ST6GAL2: variants seen among roughly 807,000 people sequenced by gnomAD.
ST6GAL2 encodes the protein ST6 beta-galactoside alpha-2,6-sialyltransferase 2, also known as beta-galactoside alpha-2,6-sialyltransferase 2.
A neutral mutation model predicts 37.5 loss-of-function variants in ST6GAL2; 24 were observed. The ratio of observed to expected loss-of-function variants is 0.64; its 90% CI spans 0.46 to 0.90. The LOEUF (loss-of-function observed/expected upper bound fraction) is 0.90, where lower values mean the gene tolerates loss of function less well. ST6GAL2 is among the 40% of genes least tolerant of loss of function. The probability of loss-of-function intolerance (pLI) is 0.00; values close to 1 mark genes in which losing one functional copy is unlikely to be tolerated. For synonymous variants in ST6GAL2, 306 were observed against 295.1 expected (o/e 1.04, Z -0.38); for missense variants, 715 against 712.7 (o/e 1.00, Z -0.04).
intron 5 of ST6GAL2, among the ~76,000 whole-genome samples, chr2:106,823,522 G>GAC (rs1266979922): frequency 6.6e-6 from 1 of 150,876 alleles, no homozygotes; most frequent in African/African-American, 2.4e-5. Context: ...GAGAGAGAGA[G>GAC]AGAAAGATTT....
chr2:106,805,243 A>C lies in ST6GAL2; in HGVS notation c.*1435T>G, dbSNP rs1345005303. 1 of 152,342 alleles carries C rather than the reference A, an allele frequency of 6.6e-6. No individual in the cohort carries two copies. The highest frequency in any genetic ancestry group is 1.5e-5 in the Non-Finnish European group (1 of 68,038). 9.4% of individuals were successfully genotyped at this position (152,342 alleles called of 1,614,324 possible). A position where few individuals can be genotyped will look rare whatever the true frequency, so the allele number is the denominator to read the frequency against. ...TTGCAAGGGAGAACGCATTTAATTAAGCTGCTATTGTCATTGCAACAAGTC... is the reference window on the plus strand; with the variant it reads ...TTGCAAGGGAGAACGCATTTAATTACGCTGCTATTGTCATTGCAACAAGTC... On this transcript the variant is annotated 3_prime_UTR_variant, in exon 6 of 6. Coordinates refer to ENST00000409382, the MANE Select transcript of ST6GAL2 (RefSeq NM_001142351.2).
intron 1 of ST6GAL2, among the ~76,000 whole-genome samples, chr2:106,854,787 T>C (rs920704775): frequency 2.0e-5 from 3 of 152,142 alleles, no homozygotes; most frequent in Non-Finnish European, 4.4e-5. Context: ...TGTTTTTACT[T>C]GCAAAAATGT....
intron 1 of ST6GAL2, among the ~76,000 whole-genome samples, chr2:106,845,475 G>A (rs1179693252): frequency 1.3e-5 from 2 of 152,214 alleles, no homozygotes; most frequent in East Asian, 3.9e-4. Flanking sequence ...GTGATTCTGA[G>A]GGGAGGGTCT....
At chr2:106,853,859 A>T (rs1677469811) in intron 1 of ST6GAL2, among the ~76,000 whole-genome samples, 1 of 152,228 alleles carries the variant, frequency 6.6e-6, no homozygotes, top group East Asian at 1.9e-4. Flanking sequence ...ACACAACACA[A>T]GCTGCCTACT....
At chr2:106,854,299 C>T (rs916588498) in intron 1 of ST6GAL2, among the ~76,000 whole-genome samples, 28 of 152,276 alleles carry the variant, frequency 1.8e-4, no homozygotes, top group African/African-American at 5.5e-4. Flanking sequence ...GCCTTAATTT[C>T]GGATAAGCCT....
chr2:106,847,619 A>C (rs1677194245), intron 1 of ST6GAL2, among the ~76,000 whole-genome samples: 1 of 152,166 alleles, frequency 6.6e-6, no homozygotes, highest in South Asian at 2.1e-4. Flanking sequence ...CAAGTTACTC[A>C]CAAGTTACTC....
At chr2:106,862,178 C>T (rs939902932) in intron 1 of ST6GAL2, among the ~76,000 whole-genome samples, 14 of 152,184 alleles carry the variant, frequency 9.2e-5, no homozygotes, top group African/African-American at 3.4e-4. Flanking sequence ...AATGCTAATG[C>T]TGCTGCACCA....
chr2:106,864,451 T>C (rs1677939414), intron 1 of ST6GAL2, among the ~76,000 whole-genome samples: 1 of 152,238 alleles, frequency 6.6e-6, no homozygotes, highest in Non-Finnish European at 1.5e-5. Flanking sequence ...GAACATGGAA[T>C]TCATTATACT....
At chr2:106,829,131 A>G (rs1676314011) in intron 5 of ST6GAL2, among the ~76,000 whole-genome samples, 1 of 152,198 alleles carries the variant, frequency 6.6e-6, no homozygotes, top group African/African-American at 2.4e-5. Flanking sequence ...GGCATAAGCT[A>G]TGTGAACAGG....
At chr2:106,879,050 AG>A (rs1327878804) in intron 1 of ST6GAL2, among the ~76,000 whole-genome samples, 1 of 152,224 alleles carries the variant, frequency 6.6e-6, no homozygotes, top group Non-Finnish European at 1.5e-5. Context: ...TCCTTAGGCC[AG>A]GAGTCCTTCC....
intron 1 of ST6GAL2, among the ~76,000 whole-genome samples, chr2:106,859,352 G>A (rs1182104079): frequency 1.3e-5 from 2 of 152,120 alleles, no homozygotes; most frequent in East Asian, 3.8e-4. Context: ...TAATTGTGCT[G>A]TGTTCTCTAT....
At chr2:106,831,013 A>T (rs1042045790) in intron 4 of ST6GAL2, among the ~76,000 whole-genome samples, 1 of 152,266 alleles carries the variant, frequency 6.6e-6, no homozygotes, top group Non-Finnish European at 1.5e-5. Context: ...AGCTGTAACC[A>T]TGACATGGAT....
Position 106,845,153 on chromosome 2 carries a change from TTG to T in ST6GAL2, c.-57-1121_-57-1120del, listed in dbSNP as rs58832016. On this transcript the variant is annotated intron_variant, in intron 1 of 5. Coordinates refer to ENST00000409382, the MANE Select transcript of ST6GAL2 (RefSeq NM_001142351.2). Reference sequence around the variant, plus strand: ...TTGTGTGTGCGTTTTGCAGAGGGCCTTGTGTGTCTGTGGCTATGATGGGTGTT... The same window carrying T: ...TTGTGTGTGCGTTTTGCAGAGGGCCTTGTGTCTGTGGCTATGATGGGTGTT... 2.2e-3 allele frequency among the ~76,000 whole-genome samples: 331 copies of T among 152,206 alleles called. 1 individual carries two copies. The highest frequency in any genetic ancestry group is 7.7e-3 in the African/African-American group (318 of 41,548).
chr2:106,883,468 T>A (rs996582222), intron 1 of ST6GAL2, among the ~76,000 whole-genome samples: 1 of 152,222 alleles, frequency 6.6e-6, no homozygotes. Context: ...TGTAAGAACA[T>A]TGAAAATTTC....
At chr2:106,880,803 A>G (rs1171427294) in intron 1 of ST6GAL2, among the ~76,000 whole-genome samples, 1 of 152,308 alleles carries the variant, frequency 6.6e-6, no homozygotes, top group Non-Finnish European at 1.5e-5. Context: ...ATGAATCCCA[A>G]CAATTAATGC....
chr2:106,846,088 C>G (rs1384906918), intron 1 of ST6GAL2, among the ~76,000 whole-genome samples: 1 of 152,106 alleles, frequency 6.6e-6, no homozygotes, highest in Non-Finnish European at 1.5e-5. Context: ...ATGTGAAGCG[C>G]GAAGAAGTCA....
Position 106,802,970 on chromosome 2 carries a change from C to T in ST6GAL2, c.*3708G>A, listed in dbSNP as rs888435818. 6 of 152,130 alleles carry T rather than the reference C, an allele frequency of 3.9e-5. No individual in the cohort carries two copies. The highest frequency in any genetic ancestry group is 8.8e-5 in the Non-Finnish European group (6 of 68,040). 9.4% of individuals were successfully genotyped at this position (152,130 alleles called of 1,614,324 possible). A position where few individuals can be genotyped will look rare whatever the true frequency, so the allele number is the denominator to read the frequency against. The stretch of plus-strand genomic sequence containing the variant: ...CGTATGAAATTCAATCACATACTGG[C>T]ACTCATCTAAGACTGATCCCACTTA... On this transcript the variant is annotated 3_prime_UTR_variant, in exon 6 of 6. Transcript: ENST00000409382.
At chr2:106,871,415 T>C (rs1459251361) in intron 1 of ST6GAL2, among the ~76,000 whole-genome samples, 3 of 152,156 alleles carry the variant, frequency 2.0e-5, no homozygotes, top group African/African-American at 7.2e-5. Flanking sequence ...AAAAAAATGG[T>C]TTTCTTTCTT....
chr2:106,884,294 C>T (rs1042292724), intron 1 of ST6GAL2, among the ~76,000 whole-genome samples: 4 of 152,204 alleles, frequency 2.6e-5, no homozygotes. Flanking sequence ...AGAAACTCAA[C>T]ACAGATAACT....
Sources: allele counts gnomAD v4.1 joint callset (sites outside exome capture counted in the v4.1 genomes callset), GRCh38; gene constraint gnomAD v4.1.1; transcripts MANE v1.5; gene names NCBI Gene and HGNC (gene_info 2026-07-23, HGNC 2026-07-21).